GAB2: variants seen among roughly 807,000 people sequenced by gnomAD.
The protein encoded by GAB2 is GRB2 associated binding protein 2, also known as GRB2-associated-binding protein 2.
In GAB2, 26 loss-of-function variants were observed where a neutral mutation model predicts 65.5. That is an observed-to-expected ratio of 0.40 (90% confidence interval 0.29 to 0.55). The LOEUF (loss-of-function observed/expected upper bound fraction) is 0.55. Among genes scored for constraint, GAB2 ranks in the 20% least tolerant of loss-of-function variants. The pLI is 0.53. For synonymous variants in GAB2, 321 were observed against 329.6 expected (o/e 0.97, Z 0.28); for missense variants, 884 against 875.8 (o/e 1.01, Z -0.12).
chr11:78,367,533 C>G (rs536876627), intron 1 of GAB2, among the ~76,000 whole-genome samples: 1 of 152,332 alleles, frequency 6.6e-6, no homozygotes, highest in Non-Finnish European at 1.5e-5. Context: ...GAGATCTCAG[C>G]TTTTAACAAT....
intron 1 of GAB2, among the ~76,000 whole-genome samples, chr11:78,310,395 C>T (rs1376071249): frequency 6.6e-6 from 1 of 150,412 alleles, no homozygotes; most frequent in Non-Finnish European, 1.5e-5. Flanking sequence ...CGCCTGTAGT[C>T]CCAGCTACTC....
intron 1 of GAB2, among the ~76,000 whole-genome samples, chr11:78,407,765 A>G (rs1431638205): frequency 1.3e-5 from 2 of 151,880 alleles, no homozygotes; most frequent in East Asian, 3.8e-4. Context: ...AGAAAGAAAG[A>G]AAGAGAGAGA....
chr11:78,327,936 T>C (rs371896431), intron 1 of GAB2, among the ~76,000 whole-genome samples: 46 of 152,172 alleles, frequency 3.0e-4, no homozygotes, highest in East Asian at 1.2e-3. Context: ...GCATAAATAT[T>C]GTCATTATAA....
intron 1 of GAB2, among the ~76,000 whole-genome samples, chr11:78,409,334 C>G (rs929338694): frequency 6.6e-6 from 1 of 152,152 alleles, no homozygotes; most frequent in Non-Finnish European, 1.5e-5. Context: ...TCTGTAATCC[C>G]AGCACTTTGG....
intron 1 of GAB2, among the ~76,000 whole-genome samples, chr11:78,289,759 C>CA (rs1250591071): frequency 1.5e-5 from 2 of 134,570 alleles, no homozygotes; most frequent in African/African-American, 5.5e-5. Context: ...GCAATGAACA[C>CA]AAACAATGAG....
intron 1 of GAB2, among the ~76,000 whole-genome samples, chr11:78,341,156 C>G (rs1403351281): frequency 6.6e-6 from 1 of 152,196 alleles, no homozygotes; most frequent in Non-Finnish European, 1.5e-5. Context: ...ATTCTTGAGT[C>G]TATGGTTTCA....
intron 2 of GAB2, among the ~76,000 whole-genome samples, chr11:78,265,610 G>A (rs1431060760): frequency 1.3e-5 from 2 of 152,284 alleles, no homozygotes; most frequent in East Asian, 3.9e-4. Flanking sequence ...TGGTAGATGT[G>A]TAAAATAAAC....
At chr11:78,261,263 G>C (rs1260089475) in intron 2 of GAB2, among the ~76,000 whole-genome samples, 1 of 152,110 alleles carries the variant, frequency 6.6e-6, no homozygotes, top group Non-Finnish European at 1.5e-5. Context: ...ACTCCGGCCT[G>C]GGCGACAGAG....
At position 78,380,207 on chromosome 11, in the gene GAB2, T is replaced by A. The variant is rs895643339; in HGVS notation, c.75+37439A>T. 3.1e-5 allele frequency among the ~76,000 whole-genome samples: 3 copies of A among 97,496 alleles called. No individual in the cohort carries two copies. The East Asian group carries it at 9.2e-4, about 30-fold the overall frequency. The allele number at this position is 97,496 out of a possible 152,430, so 64.0% of individuals were successfully genotyped here. A position where few individuals can be genotyped will look rare whatever the true frequency, so the allele number is the denominator to read the frequency against. On this transcript the variant is annotated intron_variant, in intron 1 of 9. Transcript: ENST00000361507. ...TAAAATAATTGTGAATGACATTGAA[T>A]GAGAACTTTTTTTTTTTTTGAGACG... is the stretch of plus-strand genomic sequence containing the variant.
chr11:78,342,659 C>T lies in GAB2; in HGVS notation c.76-61758G>A, dbSNP rs537465974. Among the ~76,000 whole-genome samples, 12 of 152,304 alleles carry T rather than the reference C, an allele frequency of 7.9e-5. No homozygotes were observed. In the South Asian group the frequency reaches 1.9e-3, roughly 24 times the overall value. The stretch of plus-strand genomic sequence containing the variant: ...TCCTGACCTCGTGATCCGCCGGCCT[C>T]GGCCTCCCAAAGTGCTGGGATTACA... On this transcript the variant is annotated intron_variant, in intron 1 of 9. Coordinates refer to ENST00000361507, the MANE Select transcript of GAB2 (RefSeq NM_080491.3).
chr11:78,394,614 G>A (rs942942823), intron 1 of GAB2, among the ~76,000 whole-genome samples: 3 of 152,234 alleles, frequency 2.0e-5, no homozygotes, highest in Non-Finnish European at 4.4e-5. Context: ...GATTTGGCCT[G>A]CACCAATCTG....
chr11:78,303,321 T>C (rs1003663055), intron 1 of GAB2, among the ~76,000 whole-genome samples: 2 of 152,226 alleles, frequency 1.3e-5, no homozygotes, highest in Non-Finnish European at 2.9e-5. Context: ...GCTTTGATAT[T>C]TGTCTATGAC....
chr11:78,261,436 C>A (rs117705276), intron 2 of GAB2, among the ~76,000 whole-genome samples: 25 of 152,266 alleles, frequency 1.6e-4, no homozygotes, highest in Admixed American at 1.3e-3. Flanking sequence ...ATTTAGGGTA[C>A]AAGAAATTGT....
intron 1 of GAB2, among the ~76,000 whole-genome samples, chr11:78,403,709 C>A (rs1219436262): frequency 1.3e-5 from 2 of 152,152 alleles, no homozygotes; most frequent in Admixed American, 6.5e-5. Context: ...CTCAAAAGCA[C>A]AAGCAACCAA....
chr11:78,243,697 A>T (rs1404135131), intron 3 of GAB2, among the ~76,000 whole-genome samples: 1 of 150,882 alleles, frequency 6.6e-6, no homozygotes, highest in African/African-American at 2.5e-5. Flanking sequence ...AAAAAAAATT[A>T]GCTGGGCACA....
chr11:78,223,592 A>G lies in GAB2; in HGVS notation c.1387T>C (p.Leu463=), dbSNP rs1215105703. ...VPMNPGSSTL[L]AMERAGDNSQ... ...TTATCACCTGCTCGTTCCATGGCCA[A>G]CAGGGTGGAAGAACCTGGATTCATG... The change falls in exon 6 of 10, where the codon TTG becomes CTG. Residue 463 remains leucine, a synonymous_variant. Transcript: ENST00000361507. 2 of 1,613,564 alleles carry G rather than the reference A, an allele frequency of 1.2e-6. No homozygotes were observed. Among genetic ancestry groups the G allele is most frequent in the Non-Finnish European group, 1.7e-6 (2 of 1,179,758 alleles).
chr11:78,274,265 G>A (rs1249663255), intron 2 of GAB2, among the ~76,000 whole-genome samples: 4 of 152,064 alleles, frequency 2.6e-5, no homozygotes, highest in Non-Finnish European at 5.9e-5. Context: ...AAATGAGAGA[G>A]AAAGACAGAC....
chr11:78,288,982 A>T (rs1328285966), intron 1 of GAB2, among the ~76,000 whole-genome samples: 1 of 152,260 alleles, frequency 6.6e-6, no homozygotes, highest in Non-Finnish European at 1.5e-5. Context: ...AGAAAAGTGG[A>T]ATAGATCAAT....
At chr11:78,263,154 T>A (rs1187021987) in intron 2 of GAB2, among the ~76,000 whole-genome samples, 1 of 152,212 alleles carries the variant, frequency 6.6e-6, no homozygotes, top group Non-Finnish European at 1.5e-5. Context: ...GGATACAGAT[T>A]TAAGCTAAAA....
Sources: gnomAD v4.1 joint callset for allele counts (sites outside exome capture counted in the v4.1 genomes callset) on GRCh38, gnomAD v4.1.1 for gene constraint, MANE v1.5 for transcripts, NCBI Gene and HGNC (gene_info 2026-07-23, HGNC 2026-07-21) for gene names.